Variants in EYS observed in about 807,000 individuals in gnomAD.
EYS encodes the protein EGF-like photoreceptor maintenance factor.
EYS carries 250 observed loss-of-function variants against 282.1 expected under a neutral mutation model. That is an observed-to-expected ratio of 0.89 (90% CI 0.80 to 0.98). The LOEUF is 0.98. Ranked by LOEUF, EYS falls within the 50% of genes least tolerant of loss-of-function variation. The probability of loss-of-function intolerance (pLI) is 0.00; values close to 1 mark genes in which losing one functional copy is unlikely to be tolerated. For synonymous variants in EYS, 1,355 were observed against 1,282.9 expected (o/e 1.06, Z -1.20); for missense variants, 4,016 against 3,709.0 (o/e 1.08, Z -2.15).
intron 11 of EYS, 23 bp downstream of exon 11, chr6:65,334,957 C>T: frequency 6.3e-7 from 1 of 1,593,476 alleles, no homozygotes; most frequent in African/African-American, 1.3e-5. Context: ...GTGATATTAT[C>T]TGCTCAAATG....
At chr6:65,583,478 C>T (rs553047900) in intron 2 of EYS, among the ~76,000 whole-genome samples, 1 of 152,082 alleles carries the variant, frequency 6.6e-6, no homozygotes, top group South Asian at 2.1e-4. Context: ...AAGTCCGAGC[C>T]GGTATTCCAC....
At chr6:63,796,690 C>T (rs1340037436) in intron 37 of EYS, among the ~76,000 whole-genome samples, 1 of 152,146 alleles carries the variant, frequency 6.6e-6, no homozygotes, top group African/African-American at 2.4e-5. Flanking sequence ...AGTACAAGGA[C>T]ATGAGCGTGT....
intron 22 of EYS, among the ~76,000 whole-genome samples, chr6:64,701,347 T>C (rs1718589157): frequency 6.6e-6 from 1 of 151,832 alleles, no homozygotes; most frequent in African/African-American, 2.4e-5. Context: ...AACAAGAAAA[T>C]AGATAAATGA....
intron 29 of EYS, among the ~76,000 whole-genome samples, chr6:64,331,344 G>T (rs1582609407): frequency 1.3e-5 from 2 of 152,158 alleles, no homozygotes; most frequent in East Asian, 3.9e-4. Context: ...GTCATCTATT[G>T]CAAAGGGCAT....
At chr6:63,754,633 A>G (rs978648654) in intron 41 of EYS, among the ~76,000 whole-genome samples, 6 of 152,190 alleles carry the variant, frequency 3.9e-5, no homozygotes, top group African/African-American at 1.4e-4. Context: ...GCTATTGTGA[A>G]TAGTGCCACA....
At chr6:64,070,423 G>A (rs536667114) in intron 32 of EYS, among the ~76,000 whole-genome samples, 1 of 151,878 alleles carries the variant, frequency 6.6e-6, no homozygotes, top group South Asian at 2.1e-4. Flanking sequence ...TTTGTTATGG[G>A]GAATGTAGAT....
chr6:63,790,443 G>C (rs139168079), intron 37 of EYS, among the ~76,000 whole-genome samples: 1 of 152,180 alleles, frequency 6.6e-6, no homozygotes, highest in Non-Finnish European at 1.5e-5. Flanking sequence ...ACTTTTGAAA[G>C]CTCTCTAGGT....
intron 22 of EYS, among the ~76,000 whole-genome samples, chr6:64,766,667 T>A (rs868583909): frequency 2.3e-4 from 21 of 90,468 alleles, no homozygotes; most frequent in Admixed American, 4.7e-4. Flanking sequence ...TATATATATA[T>A]ATATATATAT....
intron 13 of EYS, among the ~76,000 whole-genome samples, chr6:65,048,056 G>C (rs1773153417): frequency 6.6e-6 from 1 of 151,898 alleles, no homozygotes; most frequent in Admixed American, 6.6e-5. Flanking sequence ...GAAAATACAG[G>C]TCATGTAGTG....
rs1303938517 is a variant in EYS at position 63,984,559 on chromosome 6, A to G, written c.6879T>C (p.Val2293=). The G allele has an allele frequency of 1.3e-6, 2 of 1,549,682 alleles. No individual in the cohort carries two copies. Among genetic ancestry groups the G allele is most frequent in the Non-Finnish European group, 1.7e-6 (2 of 1,145,578 alleles). ...SMFLGHIPAN[V]QIHKKAGPVY... ...CAGGACCTGCTTTCTTATGAATTTGAACATTTGCAGGAATATGGCCAAGGA... is the reference window on the plus strand; with the variant it reads ...CAGGACCTGCTTTCTTATGAATTTGGACATTTGCAGGAATATGGCCAAGGA... The change falls in exon 35 of 43, where the codon GTT becomes GTC. Residue 2293 remains valine, a synonymous_variant. Coordinates refer to ENST00000503581, the MANE Select transcript of EYS (RefSeq NM_001142800.2).
chr6:64,409,038 C>A (rs1393654316), intron 28 of EYS, among the ~76,000 whole-genome samples: 3 of 152,102 alleles, frequency 2.0e-5, no homozygotes, highest in Non-Finnish European at 4.4e-5. Flanking sequence ...TAAGTGAGAA[C>A]ATGTTGTATT....
Position 64,396,402 on chromosome 6 carries a change from T to A in EYS, c.5928-7562A>T, listed in dbSNP as rs547704558. Among the ~76,000 whole-genome samples, 5 of 152,236 alleles carry A rather than the reference T, an allele frequency of 3.3e-5. No individual in the cohort carries two copies. In the South Asian group the frequency reaches 1.0e-3, roughly 32 times the overall value. On this transcript the variant is annotated intron_variant, in intron 28 of 42. Coordinates refer to ENST00000503581, the MANE Select transcript of EYS (RefSeq NM_001142800.2). ...ATTTTGCAAGGATTTTCTTTTTACT[T>A]TGGGTATCTTACTGTTTTAGTTTTT...
intron 35 of EYS, among the ~76,000 whole-genome samples, chr6:63,972,226 A>G (rs1293070231): frequency 2.0e-5 from 3 of 152,216 alleles, no homozygotes; most frequent in Non-Finnish European, 1.5e-5. Flanking sequence ...AGAAAGGAAC[A>G]TGTGACATTT....
intron 29 of EYS, among the ~76,000 whole-genome samples, chr6:64,321,086 T>C (rs1252858804): frequency 1.3e-5 from 2 of 151,768 alleles, no homozygotes; most frequent in African/African-American, 4.8e-5. Flanking sequence ...AATATGTTCA[T>C]ATTGTTGTGT....
At chr6:65,290,550 T>TA (rs2150282676) in intron 12 of EYS, among the ~76,000 whole-genome samples, 1 of 151,414 alleles carries the variant, frequency 6.6e-6, no homozygotes, top group Non-Finnish European at 1.5e-5. Context: ...TAGCAAATCC[T>TA]AAGGAATTTT....
chr6:64,116,394 T>G (rs79653297), intron 31 of EYS, among the ~76,000 whole-genome samples: 7,477 of 152,218 alleles, frequency 0.049, 557 homozygotes, highest in African/African-American at 0.16. Context: ...CCAGTCAATA[T>G]TTTATCCTAT....
At chr6:65,517,081 C>T (rs1024693737) in intron 2 of EYS, among the ~76,000 whole-genome samples, 1 of 151,818 alleles carries the variant, frequency 6.6e-6, no homozygotes, top group African/African-American at 2.4e-5. Flanking sequence ...TAATTCTTAG[C>T]CTCAGTTTCC....
chr6:64,952,450 A>G (rs1444595346), intron 14 of EYS, among the ~76,000 whole-genome samples: 1 of 152,048 alleles, frequency 6.6e-6, no homozygotes, highest in East Asian at 1.9e-4. Context: ...ACGTAGTGTA[A>G]TATCTAACAT....
At chr6:65,045,393 A>C (rs755020605) in intron 13 of EYS, among the ~76,000 whole-genome samples, 32 of 151,834 alleles carry the variant, frequency 2.1e-4, no homozygotes, top group South Asian at 4.1e-4. Flanking sequence ...GTAACACTCC[A>C]CAGCCCCGAA....
Sources: allele counts gnomAD v4.1 joint callset (sites outside exome capture counted in the v4.1 genomes callset), GRCh38; gene constraint gnomAD v4.1.1; transcripts MANE v1.5; gene names NCBI Gene and HGNC (gene_info 2026-07-23, HGNC 2026-07-21).